Variants in FRYL observed in about 807,000 individuals in gnomAD.
FRYL encodes protein furry homolog-like.
A neutral mutation model predicts 351.2 loss-of-function variants in FRYL; 150 were observed. That is an observed-to-expected ratio of 0.43 (90% CI 0.37 to 0.49). The LOEUF (loss-of-function observed/expected upper bound fraction) is 0.49, where lower values mean the gene tolerates loss of function less well. FRYL is among the 20% of genes least tolerant of loss of function. The pLI is 0.00. For synonymous variants in FRYL, 1,153 were observed against 1,257.1 expected, an observed-to-expected ratio of 0.92 and a Z score of 1.75; for missense variants, 3,036 against 3,619.3, an observed-to-expected ratio of 0.84 and a Z score of 4.13.
At chr4:48,543,406 A>G (rs1281865118) in intron 44 of FRYL, among the ~76,000 whole-genome samples, 1 of 152,178 alleles carries the variant, frequency 6.6e-6, no homozygotes, top group Non-Finnish European at 1.5e-5. Context: ...TATTTATAAC[A>G]GCGTTAATAA....
chr4:48,710,350 G>A (rs1488591012), intron 2 of FRYL, among the ~76,000 whole-genome samples, 169 bp downstream of exon 2: 1 of 152,200 alleles, frequency 6.6e-6, no homozygotes, highest in Non-Finnish European at 1.5e-5. Context: ...AAACATGCAT[G>A]TTCTGTGCAC....
intron 2 of FRYL, among the ~76,000 whole-genome samples, chr4:48,703,378 C>CTCCT (rs1766976579): frequency 6.6e-6 from 1 of 152,212 alleles, no homozygotes; most frequent in Non-Finnish European, 1.5e-5. Context: ...TGCTAACCAG[C>CTCCT]TCCTGACTGA....
chr4:48,605,847 A>G lies in FRYL; in HGVS notation c.742-14T>C. 1 of 1,394,440 alleles carries G rather than the reference A, an allele frequency of 7.2e-7. No individual in the cohort carries two copies. Among genetic ancestry groups the G allele is most frequent in the Admixed American group, 1.9e-5 (1 of 51,576 alleles). 86.4% of individuals were successfully genotyped at this position (1,394,440 alleles called of 1,614,324 possible). On this transcript the variant is annotated splice_polypyrimidine_tract_variant and intron_variant, in intron 10 of 63. Coordinates refer to ENST00000358350, the MANE Select transcript of FRYL (RefSeq NM_015030.2). ...CTGAGCACATTCCTTAAAGGGAAAGAGGTATATACTTAGATTAACAAAAGA... is the reference window on the plus strand; with the variant it reads ...CTGAGCACATTCCTTAAAGGGAAAGGGGTATATACTTAGATTAACAAAAGA...
intron 27 of FRYL, among the ~76,000 whole-genome samples, chr4:48,569,943 T>C (rs1242091637): frequency 2.6e-5 from 4 of 152,104 alleles, no homozygotes; most frequent in Non-Finnish European, 4.4e-5. Context: ...CTTCCAGGTA[T>C]CTGGGACTAC....
intron 1 of FRYL, among the ~76,000 whole-genome samples, chr4:48,717,507 T>C (rs1202454211): frequency 6.6e-6 from 1 of 151,454 alleles, no homozygotes; most frequent in Non-Finnish European, 1.5e-5. Context: ...TAGTAATGGT[T>C]TTGCAATTCT....
At chr4:48,658,144 C>T (rs1197791770) in intron 3 of FRYL, among the ~76,000 whole-genome samples, 2 of 67,124 alleles carry the variant, frequency 3.0e-5, no homozygotes, top group East Asian at 4.5e-4. Flanking sequence ...GAATGAAGTT[C>T]GGATTTAACT....
Position 48,639,334 on chromosome 4 carries a change from T to C in FRYL, c.-80-4844A>G, listed in dbSNP as rs116766979. On this transcript the variant is annotated intron_variant, in intron 3 of 63. Transcript: ENST00000358350. The stretch of plus-strand genomic sequence containing the variant: ...AGACAGTATGGTACTGATTAAAGAA[T>C]AGACTAACTGATCAATGGTATAGAA... 9.6e-3 allele frequency among the ~76,000 whole-genome samples: 1,457 copies of C among 152,126 alleles called. 25 individuals carry two copies. The highest frequency in any genetic ancestry group is 0.033 in the African/African-American group (1,384 of 41,530).
intron 2 of FRYL, among the ~76,000 whole-genome samples, chr4:48,706,333 C>T (rs528773618): frequency 7.2e-5 from 11 of 152,234 alleles, no homozygotes; most frequent in Non-Finnish European, 1.2e-4. Flanking sequence ...AATTCTAACA[C>T]GTACTATAAC....
chr4:48,595,417 A>G (rs1004427935), intron 15 of FRYL, among the ~76,000 whole-genome samples, 173 bp downstream of exon 15: 4 of 152,244 alleles, frequency 2.6e-5, no homozygotes, highest in African/African-American at 9.6e-5. Flanking sequence ...TCTTCAATTC[A>G]AAGTGCTGCC....
At chr4:48,580,764 T>A (rs1560649492) in intron 22 of FRYL, 101 bp downstream of exon 22, 1 of 709,762 alleles carries the variant, frequency 1.4e-6, no homozygotes, top group Non-Finnish European at 2.4e-6. Flanking sequence ...TCATTACATT[T>A]GTTAAGGAAG....
intron 4 of FRYL, among the ~76,000 whole-genome samples, chr4:48,632,108 A>ATATATGTG (rs1553957664): frequency 3.1e-5 from 2 of 64,392 alleles, no homozygotes; most frequent in South Asian, 1.1e-3. Flanking sequence ...ATATATATAT[A>ATATATGTG]TATATATATA....
chr4:48,562,107 C>A (rs1215169541), intron 32 of FRYL, among the ~76,000 whole-genome samples: 1 of 152,072 alleles, frequency 6.6e-6, no homozygotes, highest in African/African-American at 2.4e-5. Context: ...AGGTTAGTAA[C>A]ACAGTCTGAA....
chr4:48,521,030 G>A lies in FRYL; in HGVS notation c.7689+18C>T. 1 of 1,591,470 alleles carries A rather than the reference G, an allele frequency of 6.3e-7. No homozygotes were observed. The highest frequency in any genetic ancestry group is 8.6e-7 in the Non-Finnish European group (1 of 1,168,030). On this transcript the variant is annotated intron_variant, in intron 55 of 63. Transcript: ENST00000358350. ...AAGAGCCCAGATTGGCCATGCACCA[G>A]CCTCCATTTCTCCCCACCTCAGGCA...
chr4:48,517,286 C>T (rs1321795718), intron 55 of FRYL, among the ~76,000 whole-genome samples: 2 of 152,140 alleles, frequency 1.3e-5, no homozygotes, highest in African/African-American at 4.8e-5. Flanking sequence ...GTTATCTCAA[C>T]CCAAACTTAG....
chr4:48,515,209 G>T lies in FRYL; in HGVS notation c.7756C>A (p.Gln2586Lys). 1 of 1,612,708 alleles carries T rather than the reference G, an allele frequency of 6.2e-7. No homozygotes were observed. Among genetic ancestry groups the T allele is most frequent in the Non-Finnish European group, 8.5e-7 (1 of 1,178,858 alleles). The change falls in exon 56 of 64, where the codon CAA (glutamine) becomes AAA (lysine). Residue 2586 changes from glutamine (Q) to lysine (K), a missense_variant. Around this residue, in one of 7 missense-constraint regions of FRYL, gnomAD observed 1,987 missense variants for 2,311.7 expected, o/e 0.86. Transcript: ENST00000358350. ...CACACAAGAGATTCCTGCTGTTCTT[G>T]AATTATATAGGATCCTTCATCTTCA... ...TFEDEGSYII[Q>K]EQQESLVCQG...
intron 1 of FRYL, among the ~76,000 whole-genome samples, chr4:48,722,318 C>A (rs1769575494): frequency 6.6e-6 from 1 of 152,180 alleles, no homozygotes; most frequent in Non-Finnish European, 1.5e-5. Flanking sequence ...TTTCCTTCCT[C>A]TGCTTCAGAA....
intron 3 of FRYL, among the ~76,000 whole-genome samples, chr4:48,644,141 C>G (rs529429104): frequency 1.3e-5 from 2 of 152,118 alleles, no homozygotes; most frequent in East Asian, 3.9e-4. Context: ...AGGGTTTCCC[C>G]GTGTTGGTCA....
chr4:48,741,644 C>T (rs970212593), intron 1 of FRYL, among the ~76,000 whole-genome samples: 5 of 151,956 alleles, frequency 3.3e-5, no homozygotes, highest in Admixed American at 1.3e-4. Flanking sequence ...TGCAGTGAAC[C>T]GAAATGGCGC....
intron 3 of FRYL, among the ~76,000 whole-genome samples, chr4:48,648,149 C>A (rs1214259852): frequency 6.6e-6 from 1 of 152,066 alleles, no homozygotes; most frequent in African/African-American, 2.4e-5. Flanking sequence ...TTTGTTCAAC[C>A]TTTATCTCAC....
Sources: allele counts gnomAD v4.1 joint callset (sites outside exome capture counted in the v4.1 genomes callset), GRCh38; gene constraint gnomAD v4.1.1; regional missense constraint gnomAD v4.1.1; transcripts MANE v1.5; gene names NCBI Gene and HGNC (gene_info 2026-07-23, HGNC 2026-07-21).